The following ENPP1 variants were observed in gnomAD, a reference collection of about 807,000 sequenced individuals.
The protein encoded by ENPP1 is ectonucleotide pyrophosphatase/phosphodiesterase 1, also known as ectonucleotide pyrophosphatase/phosphodiesterase family member 1.
ENPP1 carries 73 observed loss-of-function variants against 122.8 expected under a neutral mutation model. That is an observed-to-expected ratio of 0.59 (90% CI 0.49 to 0.72). The LOEUF (loss-of-function observed/expected upper bound fraction) is 0.72, where lower values mean the gene tolerates loss of function less well. ENPP1 is among the 30% of genes least tolerant of loss of function. The probability of loss-of-function intolerance (pLI) is 0.00; values close to 1 mark genes in which losing one functional copy is unlikely to be tolerated. For missense variants in ENPP1, 978 were observed against 1,128.1 expected (o/e 0.87, Z 1.91); for synonymous variants, 367 against 391.6 (o/e 0.94, Z 0.74).
At chr6:131,850,994 G>T in intron 3 of ENPP1, 148 bp from the exon 4 acceptor site, 1 of 829,986 alleles carries the variant, frequency 1.2e-6, no homozygotes, top group Non-Finnish European at 2.1e-6. Context: ...GAGTGGCCAT[G>T]GTAGTGGCAG....
intron 22 of ENPP1, among the ~76,000 whole-genome samples, chr6:131,884,204 T>C (rs2114728993): frequency 6.6e-6 from 1 of 152,346 alleles, no homozygotes; most frequent in Middle Eastern, 3.4e-3. Flanking sequence ...ATGTATAGAA[T>C]ATCAAAATAT....
In ENPP1 at chr6:131,879,934, A is replaced by G. The variant is rs1269310297; in HGVS notation, c.2000A>G (p.Lys667Arg). ...TATGGAAGACCTAGAGTTCTCCAGA[A>G]GGAAAACACCATCTGTCTTCTTTCC... The part of the protein sequence containing the change: ...LPYGRPRVLQ[K>R]ENTICLLSQH... The change falls in exon 20 of 25, where the codon AAG becomes AGG. Residue 667 changes from lysine (K) to arginine (R), a missense_variant. By Grantham distance (26) the Lys-to-Arg change is conservative. This residue lies in a region of ENPP1 where 644 missense variants were observed against 781.5 expected (regional missense o/e 0.82). Coordinates refer to ENST00000647893, the MANE Select transcript of ENPP1 (RefSeq NM_006208.3). 1 of 1,613,064 alleles carries G rather than the reference A, an allele frequency of 6.2e-7. No homozygotes were observed.
intron 1 of ENPP1, among the ~76,000 whole-genome samples, chr6:131,812,024 T>C (rs1342098120): frequency 1.3e-5 from 2 of 152,072 alleles, no homozygotes; most frequent in African/African-American, 2.4e-5. Flanking sequence ...AATTCAGGGA[T>C]TGGATTGAAA....
chr6:131,848,090 C>T (rs1482355966), intron 2 of ENPP1, among the ~76,000 whole-genome samples: 3 of 152,150 alleles, frequency 2.0e-5, no homozygotes, highest in Non-Finnish European at 4.4e-5. Flanking sequence ...GGAGCCCATG[C>T]TCCCTGACTT....
chr6:131,859,744 C>T lies in ENPP1; in HGVS notation c.796-643C>T, dbSNP rs181115318. On this transcript the variant is annotated intron_variant, in intron 7 of 24. Coordinates refer to ENST00000647893, the MANE Select transcript of ENPP1 (RefSeq NM_006208.3). ...CATATTTATTAGGCAAAAGAGATAG[C>T]GAGTAGAGGGCGGTGGTTGTCGGCT... is the stretch of plus-strand genomic sequence containing the variant. Among the ~76,000 whole-genome samples, 23 of 152,142 alleles carry T rather than the reference C, an allele frequency of 1.5e-4. No individual in the cohort carries two copies. In the East Asian group the frequency reaches 2.5e-3, roughly 17 times the overall value.
intron 13 of ENPP1, among the ~76,000 whole-genome samples, chr6:131,870,871 G>A (rs1782153190): frequency 6.6e-6 from 1 of 152,178 alleles, no homozygotes; most frequent in Admixed American, 6.6e-5. Flanking sequence ...AAGGTTAAGA[G>A]ATCAAGACCA....
intron 1 of ENPP1, among the ~76,000 whole-genome samples, chr6:131,811,224 T>G (rs1781345684): frequency 6.6e-6 from 1 of 152,168 alleles, no homozygotes; most frequent in African/African-American, 2.4e-5. Flanking sequence ...TTTTTTTGTG[T>G]TGTTTGTGAC....
At chr6:131,828,136 C>T in intron 1 of ENPP1, 1 of 580,668 alleles carries the variant, frequency 1.7e-6, no homozygotes, top group Non-Finnish European at 3.4e-6. Flanking sequence ...GGAGGTCGTT[C>T]TGGATTCCGA....
intron 1 of ENPP1, among the ~76,000 whole-genome samples, chr6:131,846,662 A>G (rs1411898066): frequency 5.9e-5 from 9 of 152,200 alleles, no homozygotes; most frequent in Admixed American, 2.6e-4. Context: ...CTCCTACCCA[A>G]GTAGAAACCC....
At chr6:131,811,923 T>A (rs1311239610) in intron 1 of ENPP1, among the ~76,000 whole-genome samples, 1 of 152,210 alleles carries the variant, frequency 6.6e-6, no homozygotes, top group Non-Finnish European at 1.5e-5. Context: ...CATTTCCGGA[T>A]AGTCTTGTCC....
intron 24 of ENPP1, among the ~76,000 whole-genome samples, chr6:131,889,106 G>A (rs112992505): frequency 0.013 from 1,934 of 152,214 alleles, 35 homozygotes; most frequent in African/African-American, 0.044. Flanking sequence ...ACATCATTAC[G>A]TTTGATCCTC....
intron 1 of ENPP1, chr6:131,826,448 G>T: frequency 2.1e-6 from 2 of 942,596 alleles, no homozygotes; most frequent in South Asian, 2.9e-5. Context: ...GTTTATCCAG[G>T]AATGTAAGTA....
Position 131,880,049 on chromosome 6 carries a change from C to T in ENPP1, c.2100+15C>T, listed in dbSNP as rs763009329. On this transcript the variant is annotated intron_variant, in intron 20 of 24. Coordinates refer to ENST00000647893, the MANE Select transcript of ENPP1 (RefSeq NM_006208.3). Reference sequence around the variant, plus strand: ...TGGACAGAAATGCAAGTATTTGTCACCTCTTTATGTGTGGCCATTTCAAAT... The same window carrying T: ...TGGACAGAAATGCAAGTATTTGTCATCTCTTTATGTGTGGCCATTTCAAAT... The T allele has an allele frequency of 3.1e-5, 50 of 1,611,208 alleles. No homozygotes were observed. The highest frequency in any genetic ancestry group is 4.2e-5 in the Non-Finnish European group (49 of 1,177,528).
intron 11 of ENPP1, among the ~76,000 whole-genome samples, chr6:131,866,809 G>A (rs762062538): frequency 2.6e-5 from 4 of 152,200 alleles, no homozygotes; most frequent in Non-Finnish European, 5.9e-5. Context: ...ATTGGTCAAA[G>A]GGAAAAGTTT....
intron 1 of ENPP1, among the ~76,000 whole-genome samples, chr6:131,808,729 A>C (rs1190503469): frequency 6.6e-6 from 1 of 152,148 alleles, no homozygotes; most frequent in Non-Finnish European, 1.5e-5. Flanking sequence ...GAGCTCTTTA[A>C]GTTTTATTAG....
chr6:131,808,023 G>T lies in ENPP1; in HGVS notation c.-13G>T. 2 of 978,354 alleles carry T rather than the reference G, an allele frequency of 2.0e-6. No individual in the cohort carries two copies. Among genetic ancestry groups the T allele is most frequent in the East Asian group, 1.2e-4 (1 of 8,580 alleles). The allele number at this position is 978,354 out of a possible 1,614,324, so 60.6% of individuals were successfully genotyped here. A position where few individuals can be genotyped will look rare whatever the true frequency, so the allele number is the denominator to read the frequency against. On this transcript the variant is annotated 5_prime_UTR_variant, in exon 1 of 25. Transcript: ENST00000647893. Reference sequence around the variant, plus strand: ...CGCGGCCGGGCAGCGGGGCCGGAGCGGCCGGGGCCACGATGGAGCGCGACG... The same window carrying T: ...CGCGGCCGGGCAGCGGGGCCGGAGCTGCCGGGGCCACGATGGAGCGCGACG...
At chr6:131,846,509 C>G (rs1196526375) in intron 1 of ENPP1, among the ~76,000 whole-genome samples, 1 of 152,088 alleles carries the variant, frequency 6.6e-6, no homozygotes, top group Non-Finnish European at 1.5e-5. Flanking sequence ...AGAGCCATGC[C>G]AAAAGCTTGC....
At chr6:131,828,170 G>A (rs1193271975) in intron 1 of ENPP1, 4 of 574,930 alleles carry the variant, frequency 7.0e-6, no homozygotes, top group Admixed American at 1.9e-5. Context: ...CTGATGTCCC[G>A]GGATTAGAGG....
chr6:131,810,618 T>A (rs977319124), intron 1 of ENPP1, among the ~76,000 whole-genome samples: 1 of 152,180 alleles, frequency 6.6e-6, no homozygotes, highest in Non-Finnish European at 1.5e-5. Flanking sequence ...TTCATAAAGC[T>A]GCAGAAACAG....
Sources: gnomAD v4.1 joint callset for allele counts (sites outside exome capture counted in the v4.1 genomes callset) on GRCh38, gnomAD v4.1.1 for gene constraint, gnomAD v4.1.1 regional missense constraint, MANE v1.5 for transcripts, NCBI Gene and HGNC (gene_info 2026-07-23, HGNC 2026-07-21) for gene names.